UTP11: variants seen among roughly 807,000 people sequenced by gnomAD.
UTP11 encodes the protein UTP11 small subunit processome component.
In UTP11, 29 loss-of-function variants were observed where a neutral mutation model predicts 39.0. The observed-to-expected ratio is 0.74, with a 90% CI of 0.55 to 1.01. The LOEUF is 1.01. Among genes scored for constraint, UTP11 ranks in the 50% least tolerant of loss-of-function variants. The pLI, the probability that UTP11 is intolerant of heterozygous loss-of-function variation, is 0.00. For missense variants in UTP11, 281 were observed against 306.0 expected, an observed-to-expected ratio of 0.92 and a Z score of 0.61; for synonymous variants, 111 against 105.0, an observed-to-expected ratio of 1.06 and a Z score of -0.35.
rs749436330 is a variant in UTP11 at position 38,017,803 on chromosome 1, G to T, written c.228+33G>T. 7 of 1,533,664 alleles carry T rather than the reference G, an allele frequency of 4.6e-6. No homozygotes were observed. The African/African-American group carries it at 9.7e-5, about 21-fold the overall frequency. On this transcript the variant is annotated intron_variant, in intron 3 of 7. Transcript: ENST00000373014. ...CCCAATGGCTTGGTTGGTGTTTTGA[G>T]CTCCACACATTGGAAAATAAGGACA...
At chr1:38,017,905 T>A in intron 3 of UTP11, 135 bp downstream of exon 3, 1 of 757,304 alleles carries the variant, frequency 1.3e-6, no homozygotes, top group Non-Finnish European at 2.1e-6. Context: ...TTGGTCAGTG[T>A]CCAAGGCAAA....
At chr1:38,016,267 C>A in intron 1 of UTP11, 92 bp from the exon 2 acceptor site, 2 of 1,325,402 alleles carry the variant, frequency 1.5e-6, no homozygotes, top group Non-Finnish European at 2.2e-6. Context: ...CTGAGCACTC[C>A]AGAGACTCCT....
intron 5 of UTP11, 26 bp from the exon 6 acceptor site, chr1:38,019,227 G>A: frequency 6.2e-7 from 1 of 1,614,084 alleles, no homozygotes; most frequent in South Asian, 1.1e-5. Flanking sequence ...AACCGACAGT[G>A]CCTTAAGGAT....
intron 6 of UTP11, among the ~76,000 whole-genome samples, chr1:38,021,964 T>C (rs1407507677): frequency 6.6e-6 from 1 of 151,878 alleles, no homozygotes. Context: ...TTCCCCAAAA[T>C]GTAAGGACCC....
rs529317189 is a variant in UTP11 at position 38,017,664 on chromosome 1, T to G, written c.126-4T>G. On this transcript the variant is annotated splice_polypyrimidine_tract_variant and splice_region_variant and intron_variant, in intron 2 of 7. Transcript: ENST00000373014. The stretch of plus-strand genomic sequence containing the variant: ...CTATGAACCTCATTTAACCTGTCTT[T>G]TAGTGACTACCGTAAAAAACAAGAA... The G allele has an allele frequency of 1.9e-5, 30 of 1,584,562 alleles. No individual in the cohort carries two copies. The South Asian group carries it at 2.9e-4, about 15-fold the overall frequency.
intron 3 of UTP11, 152 bp downstream of exon 3, chr1:38,017,922 A>T: frequency 1.5e-6 from 1 of 671,578 alleles, no homozygotes; most frequent in Non-Finnish European, 2.5e-6. Context: ...CAAACCCTCC[A>T]CTTCCAGAGG....
intron 3 of UTP11, 113 bp downstream of exon 3, chr1:38,017,883 C>T (rs1646715366): frequency 1.1e-6 from 1 of 904,726 alleles, no homozygotes; most frequent in Non-Finnish European, 1.7e-6. Context: ...TCTCTGGTTA[C>T]TCCAGGTGCT....
At chr1:38,017,592 T>A in intron 2 of UTP11, 76 bp from the exon 3 acceptor site, 4 of 1,177,940 alleles carry the variant, frequency 3.4e-6, no homozygotes, top group Non-Finnish European at 4.7e-6. Flanking sequence ...AAAGTTTGCT[T>A]ATTGTGGGTT....
intron 6 of UTP11, among the ~76,000 whole-genome samples, chr1:38,021,691 G>A (rs1016174485): frequency 2.6e-5 from 4 of 152,162 alleles, no homozygotes; most frequent in East Asian, 1.9e-4. Context: ...TCAGGAGTTC[G>A]AGACTAGCCT....
intron 6 of UTP11, among the ~76,000 whole-genome samples, chr1:38,021,820 G>T (rs1646739311): frequency 6.6e-6 from 1 of 151,938 alleles, no homozygotes; most frequent in Non-Finnish European, 1.5e-5. Context: ...TTGAACCCAG[G>T]AGGCGGAGGT....
In UTP11 at chr1:38,024,168, C is replaced by T. The variant is rs932165579; in HGVS notation, c.*540C>T. On this transcript the variant is annotated 3_prime_UTR_variant, in exon 8 of 8. Transcript: ENST00000373014. The stretch of plus-strand genomic sequence containing the variant: ...TTTTTTTTGTTATGAAACATAGGAT[C>T]TCATTACAGCAGATTTGGAAAGTAG... 6.6e-6 allele frequency: 1 copy of T among 152,174 alleles called. No homozygotes were observed. Among genetic ancestry groups the T allele is most frequent in the Non-Finnish European group, 1.5e-5 (1 of 68,084 alleles). The allele number at this position is 152,174 out of a possible 1,614,324, so 9.4% of individuals were successfully genotyped here.
chr1:38,020,299 C>T (rs533465320), intron 6 of UTP11, among the ~76,000 whole-genome samples: 2 of 151,926 alleles, frequency 1.3e-5, no homozygotes, highest in African/African-American at 2.4e-5. Flanking sequence ...AACGGGGTCT[C>T]GCTAAGTTGC....
In UTP11 at chr1:38,023,526, C is replaced by G; in HGVS notation, c.679-19C>G. On this transcript the variant is annotated intron_variant, in intron 7 of 7. Transcript: ENST00000373014. Reference sequence around the variant, plus strand: ...ACCATTTCCTTCTCTTTACTGATCACCTTTTTACTCTTTTGTAGGATAAAA... The same window carrying G: ...ACCATTTCCTTCTCTTTACTGATCAGCTTTTTACTCTTTTGTAGGATAAAA... 6.2e-7 allele frequency: 1 copy of G among 1,602,906 alleles called. No homozygotes were observed. Among genetic ancestry groups the G allele is most frequent in the Non-Finnish European group, 8.5e-7 (1 of 1,174,622 alleles).
intron 6 of UTP11, among the ~76,000 whole-genome samples, chr1:38,020,434 A>G (rs556619919): frequency 6.6e-6 from 1 of 152,266 alleles, no homozygotes; most frequent in South Asian, 2.1e-4. Context: ...TATTGTAACA[A>G]AAATTTTGTT....
chr1:38,021,894 GAAA>G (rs535193600), intron 6 of UTP11, among the ~76,000 whole-genome samples: 4 of 129,582 alleles, frequency 3.1e-5, no homozygotes, highest in East Asian at 2.2e-4. Flanking sequence ...CTCCGCCTCA[GAAA>G]AAAAAAAAAA....
chr1:38,023,471 G>A, intron 7 of UTP11, 74 bp from the exon 8 acceptor site: 1 of 1,345,062 alleles, frequency 7.4e-7, no homozygotes, highest in South Asian at 1.3e-5. Flanking sequence ...GGTGCTAATA[G>A]GTAGTTTATT....
At chr1:38,022,835 T>C (rs1369859691) in intron 7 of UTP11, 26 bp downstream of exon 7, 1 of 548,758 alleles carries the variant, frequency 1.8e-6, no homozygotes, top group Non-Finnish European at 2.5e-6. Context: ...CTTAGGCCTC[T>C]TTTTTTTTTT....
At chr1:38,019,675 G>A (rs557945790) in intron 6 of UTP11, among the ~76,000 whole-genome samples, 1 of 152,148 alleles carries the variant, frequency 6.6e-6, no homozygotes, top group African/African-American at 2.4e-5. Flanking sequence ...ATAGAGATGG[G>A]GTTTCGCCAT....
At chr1:38,017,645 A>G in intron 2 of UTP11, 23 bp from the exon 3 acceptor site, 1 of 1,337,746 alleles carries the variant, frequency 7.5e-7, no homozygotes, top group Non-Finnish European at 1.0e-6. Context: ...TTTGCTATGA[A>G]CCTCATTTAA....
Sources: gnomAD v4.1 joint callset for allele counts (sites outside exome capture counted in the v4.1 genomes callset) on GRCh38, gnomAD v4.1.1 for gene constraint, MANE v1.5 for transcripts, NCBI Gene and HGNC (gene_info 2026-07-23, HGNC 2026-07-21) for gene names.